The following KIF26B variants were observed in gnomAD, a reference collection of about 807,000 sequenced individuals.
The protein encoded by KIF26B is kinesin family member 26B, also known as kinesin-like protein KIF26B.
Under a neutral mutation model 151.2 loss-of-function variants are expected in KIF26B, and 63 were observed. The observed-to-expected ratio is 0.42, with a 90% CI of 0.34 to 0.51. The LOEUF (loss-of-function observed/expected upper bound fraction) is 0.51. KIF26B is among the 20% of genes least tolerant of loss of function. The pLI is 0.07. For missense variants in KIF26B, 2,813 were observed against 2,913.6 expected, an observed-to-expected ratio of 0.97 and a Z score of 0.79; for synonymous variants, 1,357 against 1,262.1, an observed-to-expected ratio of 1.08 and a Z score of -1.59.
intron 5 of KIF26B, among the ~76,000 whole-genome samples, chr1:245,600,245 A>T (rs1376701850): frequency 2.4e-5 from 3 of 126,870 alleles, no homozygotes; most frequent in African/African-American, 5.8e-5. Context: ...TCACCGTGTT[A>T]GCCAGGATGG....
intron 2 of KIF26B, among the ~76,000 whole-genome samples, chr1:245,331,739 A>G (rs886463980): frequency 6.6e-6 from 1 of 152,234 alleles, no homozygotes; most frequent in Non-Finnish European, 1.5e-5. Context: ...AGTGCATAGT[A>G]ATAAGACAAT....
At chr1:245,303,308 C>T (rs1445260222) in intron 2 of KIF26B, among the ~76,000 whole-genome samples, 1 of 149,812 alleles carries the variant, frequency 6.7e-6, no homozygotes, top group Non-Finnish European at 1.5e-5. Context: ...ACGCCATTCT[C>T]CTGCCTCAGC....
intron 3 of KIF26B, among the ~76,000 whole-genome samples, chr1:245,395,345 T>C (rs370631009): frequency 1.3e-5 from 2 of 152,216 alleles, no homozygotes; most frequent in Non-Finnish European, 2.9e-5. Context: ...TAATCTATTC[T>C]TTCTTTCCCT....
intron 4 of KIF26B, among the ~76,000 whole-genome samples, chr1:245,462,141 A>T (rs1162841773): frequency 6.6e-6 from 1 of 152,132 alleles, no homozygotes; most frequent in Admixed American, 6.6e-5. Flanking sequence ...AAAAAAAATT[A>T]AAAAATGAAA....
chr1:245,386,779 G>C (rs983389978), intron 3 of KIF26B, among the ~76,000 whole-genome samples: 11 of 152,152 alleles, frequency 7.2e-5, no homozygotes, highest in Admixed American at 7.2e-4. Context: ...TCTGATCTTG[G>C]GGGGAGAAAA....
At chr1:245,578,629 C>T (rs2043147204) in intron 5 of KIF26B, among the ~76,000 whole-genome samples, 1 of 152,214 alleles carries the variant, frequency 6.6e-6, no homozygotes. Flanking sequence ...AGAAGCTTTC[C>T]TGCTGGGCCT....
chr1:245,602,698 G>A lies in KIF26B; in HGVS notation c.1472G>A (p.Gly491Asp), dbSNP rs758686161. Reference sequence around the variant, plus strand: ...TTGTACGATCCCCTGACTTGTGGAGGTCAAAATGCCTTCCAAAAGAGAGGC... The same window carrying A: ...TTGTACGATCCCCTGACTTGTGGAGATCAAAATGCCTTCCAAAAGAGAGGC... Reference protein sequence around the residue: ...ITLYDPLTCGGQNAFQKRGNQ... With the variant: ...ITLYDPLTCGDQNAFQKRGNQ... The change falls in exon 6 of 15, where the codon GGT becomes GAT. Residue 491 changes from glycine (G) to aspartate (D), a missense_variant. Transcript: ENST00000407071. This position sits in a 1 kb window ranked among gnomAD's most constrained non-coding sequence, Gnocchi z 4.5. 2.0e-5 allele frequency: 32 copies of A among 1,613,916 alleles called. No individual in the cohort carries two copies. The highest frequency in any genetic ancestry group is 4.0e-5 in the African/African-American group (3 of 74,940).
Position 245,335,638 on chromosome 1 carries a change from A to AGTCCCACGAGGGGAAAGGAGG in KIF26B, c.466-31178_466-31177insAGGGTCCCACGAGGGGAAAGG, listed in dbSNP as rs1558393129. On this transcript the variant is annotated intron_variant, in intron 2 of 14. Transcript: ENST00000407071. ...GGAGAGTCCCACGAGGGGAAAGGAG[A>AGTCCCACGAGGGGAAAGGAGG]GTCCCACGAGGGGAAAGGGGGGTCC... 6.2e-4 allele frequency among the ~76,000 whole-genome samples: 86 copies of AGTCCCACGAGGGGAAAGGAGG among 139,206 alleles called. 1 individual carries two copies. The highest frequency in any genetic ancestry group is 2.2e-3 in the African/African-American group (82 of 36,642). The allele number at this position is 139,206 out of a possible 152,430, so 91.3% of individuals were successfully genotyped here. A position where few individuals can be genotyped will look rare whatever the true frequency, so the allele number is the denominator to read the frequency against.
chr1:245,691,341 A>G (rs553390073), intron 12 of KIF26B, among the ~76,000 whole-genome samples: 1 of 152,328 alleles, frequency 6.6e-6, no homozygotes, highest in Non-Finnish European at 1.5e-5. Context: ...TGGTTAGGTA[A>G]GGCTATTGGA....
chr1:245,483,363 C>A (rs1369426686), intron 4 of KIF26B, among the ~76,000 whole-genome samples: 4 of 151,764 alleles, frequency 2.6e-5, no homozygotes, highest in Admixed American at 2.6e-4. Context: ...AAAGAGCTGT[C>A]CGAGGTCACC....
chr1:245,219,460 C>A (rs182437029), intron 2 of KIF26B, among the ~76,000 whole-genome samples: 24 of 152,080 alleles, frequency 1.6e-4, no homozygotes, highest in Non-Finnish European at 8.8e-5. Flanking sequence ...CAGCTAGGCG[C>A]GGTAGCTCAT....
At chr1:245,417,983 A>G (rs371845771) in intron 3 of KIF26B, among the ~76,000 whole-genome samples, 2 of 21,220 alleles carry the variant, frequency 9.4e-5, no homozygotes, top group Middle Eastern at 0.033. Context: ...TTCTTGGGGG[A>G]AAAAAAAAGT....
chr1:245,654,044 C>T (rs1299710741), intron 10 of KIF26B, among the ~76,000 whole-genome samples: 1 of 152,168 alleles, frequency 6.6e-6, no homozygotes, highest in Non-Finnish European at 1.5e-5. Flanking sequence ...GCCTGGACAA[C>T]AGAGCAAGAC....
At chr1:245,379,408 C>A (rs1199427610) in intron 3 of KIF26B, among the ~76,000 whole-genome samples, 1 of 151,414 alleles carries the variant, frequency 6.6e-6, no homozygotes, top group African/African-American at 2.4e-5. Context: ...TAAAATAACC[C>A]AAACAAGTCA....
At chr1:245,392,192 G>A (rs1446153410) in intron 3 of KIF26B, among the ~76,000 whole-genome samples, 2 of 152,092 alleles carry the variant, frequency 1.3e-5, no homozygotes, top group African/African-American at 2.4e-5. Context: ...GCGTAATTAC[G>A]AAACATGAAG....
At chr1:245,636,522 TCTTTG>T (rs995714027) in intron 9 of KIF26B, among the ~76,000 whole-genome samples, 25 of 152,114 alleles carry the variant, frequency 1.6e-4, no homozygotes, top group African/African-American at 5.1e-4. Context: ...CAAACATTTA[TCTTTG>T]CTTTGTGTTG....
In KIF26B at chr1:245,690,746, G is replaced by T. The variant is rs11804550; in HGVS notation, c.5824+1939G>T. Among the ~76,000 whole-genome samples the T allele has an allele frequency of 4.0e-5, 6 of 149,108 alleles. No homozygotes were observed. In the East Asian group the frequency reaches 9.7e-4, roughly 24 times the overall value. On this transcript the variant is annotated intron_variant, in intron 12 of 14. Coordinates refer to ENST00000407071, the MANE Select transcript of KIF26B (RefSeq NM_018012.4). ...CTTGACATCTTTATTTGCCTGGGGGGGGGGTATGCTTCAGTCTTTGATACG... is the reference window on the plus strand; with the variant it reads ...CTTGACATCTTTATTTGCCTGGGGGTGGGGTATGCTTCAGTCTTTGATACG...
Position 245,686,010 on chromosome 1 carries a change from C to T in KIF26B, c.3027C>T (p.Pro1009=), listed in dbSNP as rs528204544. The T allele has an allele frequency of 1.3e-4, 214 of 1,591,142 alleles. No individual in the cohort carries two copies. The highest frequency in any genetic ancestry group is 3.3e-4 in the Middle Eastern group (2 of 6,032). Reference sequence around the variant, plus strand: ...TGCAGAGGAGTCACTCACCTGTGCCCGCCGCGGCACCCGCCCACAGCCCCA... The same window carrying T: ...TGCAGAGGAGTCACTCACCTGTGCCTGCCGCGGCACCCGCCCACAGCCCCA... ...SKMQRSHSPV[P]AAAPAHSPSP... is the part of the protein sequence containing the mutation. The change falls in exon 12 of 15, where the codon CCC becomes CCT. Residue 1009 remains proline (P), a synonymous_variant. Coordinates refer to ENST00000407071, the MANE Select transcript of KIF26B (RefSeq NM_018012.4). The surrounding 1 kb of genome is among the most constrained non-coding windows in gnomAD (Gnocchi z 5.6).
At position 245,652,158 on chromosome 1, in the gene KIF26B, T is replaced by C. The variant is rs185345404; in HGVS notation, c.2258+5878T>C. 5.1e-3 allele frequency among the ~76,000 whole-genome samples: 718 copies of C among 141,800 alleles called. 3 individuals carry two copies. Among genetic ancestry groups the C allele is most frequent in the Middle Eastern group, 0.022 (6 of 268 alleles). The allele number at this position is 141,800 out of a possible 152,430, so 93.0% of individuals were successfully genotyped here. A position where few individuals can be genotyped will look rare whatever the true frequency, so the allele number is the denominator to read the frequency against. On this transcript the variant is annotated intron_variant, in intron 10 of 14. Transcript: ENST00000407071. ...TGTGTGTGTGTGTGAGAGAGACATA[T>C]GCATATTTAACCTCCTTTAAATGTA...
Sources: gnomAD v4.1 joint callset for allele counts (sites outside exome capture counted in the v4.1 genomes callset) on GRCh38, gnomAD v4.1.1 for gene constraint, Gnocchi (gnomAD v3.1) non-coding constraint, MANE v1.5 for transcripts, NCBI Gene and HGNC (gene_info 2026-07-23, HGNC 2026-07-21) for gene names.